The following CSMD3 variants were observed in gnomAD, a reference collection of about 807,000 sequenced individuals.
The protein encoded by CSMD3 is CUB and Sushi multiple domains 3, also known as CUB and sushi domain-containing protein 3.
Under a neutral mutation model 435.2 loss-of-function variants are expected in CSMD3, and 177 were observed. The observed-to-expected ratio is 0.41, with a 90% CI of 0.36 to 0.46. The LOEUF (loss-of-function observed/expected upper bound fraction) is 0.46, where lower values mean the gene tolerates loss of function less well. Ranked by LOEUF, CSMD3 falls within the 20% of genes least tolerant of loss-of-function variation. CSMD3 has a pLI of 0.34. For synonymous variants in CSMD3, 1,656 were observed against 1,520.5 expected, an observed-to-expected ratio of 1.09 and a Z score of -2.07; for missense variants, 4,265 against 4,504.6, an observed-to-expected ratio of 0.95 and a Z score of 1.52.
At chr8:112,525,111 C>A (rs985141239) in intron 27 of CSMD3, among the ~76,000 whole-genome samples, 3 of 151,676 alleles carry the variant, frequency 2.0e-5, no homozygotes, top group African/African-American at 7.3e-5. Context: ...AGGTTTAATT[C>A]TTTGAAATGA....
At chr8:113,409,875 C>T (rs1259231421) in intron 1 of CSMD3, among the ~76,000 whole-genome samples, 3 of 127,656 alleles carry the variant, frequency 2.4e-5, no homozygotes. Flanking sequence ...TAAAGTAAAA[C>T]AGCTTTGTAG....
intron 32 of CSMD3, among the ~76,000 whole-genome samples, chr8:112,459,370 GT>G (rs796217499): frequency 2.8e-3 from 307 of 108,272 alleles, no homozygotes; most frequent in African/African-American, 8.3e-3. Context: ...GGGGGGGGGG[GT>G]TTATTCAATT....
intron 50 of CSMD3, among the ~76,000 whole-genome samples, chr8:112,309,943 A>T (rs1021561408): frequency 6.6e-6 from 1 of 152,132 alleles, no homozygotes; most frequent in Admixed American, 6.6e-5. Context: ...GTAATAAGTA[A>T]GACTTCTTGT....
intron 1 of CSMD3, among the ~76,000 whole-genome samples, chr8:113,403,438 T>G (rs936688086): frequency 4.6e-5 from 7 of 151,354 alleles, no homozygotes; most frequent in Non-Finnish European, 8.9e-5. Context: ...TTCAACTAAA[T>G]TGTTGTTAAA....
intron 10 of CSMD3, among the ~76,000 whole-genome samples, chr8:112,889,423 A>T (rs1221680694): frequency 1.3e-5 from 2 of 151,624 alleles, no homozygotes; most frequent in African/African-American, 4.8e-5. Context: ...GAGAAACATC[A>T]AGGGACTTGA....
chr8:112,259,026 G>T (rs888803581), intron 61 of CSMD3, among the ~76,000 whole-genome samples: 2 of 151,686 alleles, frequency 1.3e-5, no homozygotes, highest in Non-Finnish European at 2.9e-5. Context: ...GCTACAGAGC[G>T]AGAATCTATC....
At chr8:113,117,927 G>T (rs1480444) in intron 4 of CSMD3, among the ~76,000 whole-genome samples, 4 of 152,092 alleles carry the variant, frequency 2.6e-5, no homozygotes, top group African/African-American at 7.2e-5. Context: ...ATAATATCTA[G>T]GAAGTAAGTA....
chr8:113,264,490 C>T (rs1212801417), intron 3 of CSMD3, among the ~76,000 whole-genome samples: 1 of 150,866 alleles, frequency 6.6e-6, no homozygotes, highest in Non-Finnish European at 1.5e-5. Flanking sequence ...GAAATAAAGC[C>T]TTTTATGCCA....
chr8:112,411,411 G>A (rs1443504450), intron 32 of CSMD3, among the ~76,000 whole-genome samples: 1 of 151,794 alleles, frequency 6.6e-6, no homozygotes, highest in African/African-American at 2.4e-5. Flanking sequence ...ATTAAGCAAT[G>A]AGCAAGCCAC....
At chr8:112,252,257 C>G (rs1039755156) in intron 63 of CSMD3, among the ~76,000 whole-genome samples, 1 of 151,924 alleles carries the variant, frequency 6.6e-6, no homozygotes, top group African/African-American at 2.4e-5. Flanking sequence ...CCTTGGAAAT[C>G]TGGAATTGAG....
chr8:112,738,104 T>C (rs1046718186), intron 13 of CSMD3, among the ~76,000 whole-genome samples: 2 of 151,754 alleles, frequency 1.3e-5, no homozygotes, highest in African/African-American at 2.4e-5. Context: ...TATGGTGTCA[T>C]TGATGCAGAT....
intron 1 of CSMD3, among the ~76,000 whole-genome samples, chr8:113,358,777 T>G (rs1179322569): frequency 6.6e-6 from 1 of 151,220 alleles, no homozygotes; most frequent in African/African-American, 2.4e-5. Flanking sequence ...GAAGCATCTC[T>G]GGGATGGTCG....
intron 11 of CSMD3, among the ~76,000 whole-genome samples, chr8:112,838,365 G>A (rs58884407): frequency 6.6e-6 from 1 of 151,632 alleles, no homozygotes; most frequent in South Asian, 2.1e-4. Flanking sequence ...AGCATATTAC[G>A]ATTTTGAACA....
intron 9 of CSMD3, among the ~76,000 whole-genome samples, chr8:112,938,334 C>T (rs552701584): frequency 6.6e-6 from 1 of 152,286 alleles, no homozygotes; most frequent in South Asian, 2.1e-4. Context: ...CCAAAGACCA[C>T]CTGGTCTGAC....
intron 1 of CSMD3, among the ~76,000 whole-genome samples, chr8:113,395,225 C>T (rs891594398): frequency 5.3e-5 from 8 of 152,064 alleles, no homozygotes; most frequent in Admixed American, 2.0e-4. Flanking sequence ...TAATTAATAA[C>T]TTTAATGAAA....
intron 37 of CSMD3, among the ~76,000 whole-genome samples, chr8:112,382,199 A>G (rs544018538): frequency 3.3e-5 from 5 of 151,690 alleles, no homozygotes; most frequent in Admixed American, 6.6e-5. Flanking sequence ...CAGATGGATT[A>G]CTTGAGCCCA....
intron 38 of CSMD3, among the ~76,000 whole-genome samples, chr8:112,364,285 G>T (rs1827543953): frequency 6.6e-6 from 1 of 151,852 alleles, no homozygotes; most frequent in Admixed American, 6.6e-5. Flanking sequence ...TTTTTCCTAG[G>T]ATTTTACTGA....
intron 38 of CSMD3, among the ~76,000 whole-genome samples, chr8:112,361,927 T>A (rs1684938656): frequency 6.6e-6 from 1 of 151,838 alleles, no homozygotes; most frequent in African/African-American, 2.4e-5. Flanking sequence ...TTGATTTTCA[T>A]CTTTTCTCTA....
intron 13 of CSMD3, among the ~76,000 whole-genome samples, chr8:112,771,508 C>T (rs143872719): frequency 6.6e-6 from 1 of 151,642 alleles, no homozygotes; most frequent in East Asian, 1.9e-4. Flanking sequence ...CAACGCACTC[C>T]AGCCTGGGTG....
Sources: allele counts gnomAD v4.1 joint callset (sites outside exome capture counted in the v4.1 genomes callset), GRCh38; gene constraint gnomAD v4.1.1; transcripts MANE v1.5; gene names NCBI Gene and HGNC (gene_info 2026-07-23, HGNC 2026-07-21).